Variants in FRA10AC1 observed in about 807,000 individuals in gnomAD.
The protein encoded by FRA10AC1 is FRA10A associated CGG repeat 1, also known as protein FRA10AC1.
FRA10AC1 carries 43 observed loss-of-function variants against 56.5 expected under a neutral mutation model. That is an observed-to-expected ratio of 0.76 (90% confidence interval 0.60 to 0.98). The LOEUF is 0.98. Among genes scored for constraint, FRA10AC1 ranks in the 50% least tolerant of loss-of-function variants. The probability of loss-of-function intolerance (pLI) is 0.00; values close to 1 mark genes in which losing one functional copy is unlikely to be tolerated. For missense variants in FRA10AC1, 346 were observed against 351.8 expected, an observed-to-expected ratio of 0.98 and a Z score of 0.13; for synonymous variants, 112 against 110.5, an observed-to-expected ratio of 1.01 and a Z score of -0.09.
At chr10:93,673,103 C>A in intron 12 of FRA10AC1, 2 of 273,740 alleles carry the variant, frequency 7.3e-6, no homozygotes, top group Non-Finnish European at 7.2e-6. Flanking sequence ...AGTGCCAATC[C>A]AGTCCATGCT....
chr10:93,691,476 C>T (rs1378635433), intron 7 of FRA10AC1, among the ~76,000 whole-genome samples: 1 of 152,060 alleles, frequency 6.6e-6, no homozygotes, highest in Admixed American at 6.6e-5. Flanking sequence ...CACGCCCAAC[C>T]AAAAATAAAA....
At chr10:93,694,403 T>C (rs2059192844) in intron 5 of FRA10AC1, among the ~76,000 whole-genome samples, 2 of 151,948 alleles carry the variant, frequency 1.3e-5, no homozygotes, top group South Asian at 2.1e-4. Context: ...GTGGATGGTA[T>C]CTCTACCTTA....
intron 12 of FRA10AC1, among the ~76,000 whole-genome samples, chr10:93,676,360 C>T (rs2058839650): frequency 6.6e-6 from 1 of 152,112 alleles, no homozygotes; most frequent in Non-Finnish European, 1.5e-5. Flanking sequence ...AACCTCATCC[C>T]TTTATCTTTC....
chr10:93,671,869 A>C, intron 12 of FRA10AC1: 1 of 348,076 alleles, frequency 2.9e-6, no homozygotes, highest in Middle Eastern at 8.1e-4. Context: ...AAACATTTTC[A>C]AATTGTTTGT....
chr10:93,672,985 A>G lies in FRA10AC1; in HGVS notation c.827-2137T>C, dbSNP rs75799799. 1,094 of 186,590 alleles carry G rather than the reference A, an allele frequency of 5.9e-3. 16 individuals carry two copies. The highest frequency in any genetic ancestry group is 0.024 in the African/African-American group (1,020 of 41,926). 11.6% of individuals were successfully genotyped at this position (186,590 alleles called of 1,614,324 possible). ...ATCTATTCAGTGATTATTGGTAAGTAGGGATCAGAATTTAAGTCACTGACT... is the reference window on the plus strand; with the variant it reads ...ATCTATTCAGTGATTATTGGTAAGTGGGGATCAGAATTTAAGTCACTGACT... On this transcript the variant is annotated intron_variant, in intron 12 of 13. Coordinates refer to ENST00000359204, the MANE Select transcript of FRA10AC1 (RefSeq NM_145246.5).
At chr10:93,677,919 G>T (rs756749280) in intron 11 of FRA10AC1, among the ~76,000 whole-genome samples, 4 of 152,168 alleles carry the variant, frequency 2.6e-5, no homozygotes, top group Non-Finnish European at 5.9e-5. Flanking sequence ...TTCAGAAAAT[G>T]TGGTTGAATT....
At chr10:93,684,335 T>C (rs2058987961) in intron 9 of FRA10AC1, among the ~76,000 whole-genome samples, 2 of 152,218 alleles carry the variant, frequency 1.3e-5, no homozygotes, top group South Asian at 4.1e-4. Flanking sequence ...AAAAATGTGT[T>C]GTCAATTTGT....
intron 10 of FRA10AC1, 32 bp downstream of exon 10, chr10:93,684,019 TACTAA>T (rs2058981316): frequency 1.5e-6 from 2 of 1,360,430 alleles, no homozygotes; most frequent in Non-Finnish European, 2.1e-6. Context: ...TATCCTGGAT[TACTAA>T]ACATTAAGAA....
chr10:93,693,296 G>T (rs1304698846), intron 5 of FRA10AC1, among the ~76,000 whole-genome samples: 2 of 149,530 alleles, frequency 1.3e-5, no homozygotes, highest in East Asian at 3.9e-4. Flanking sequence ...AAATGAGGTG[G>T]TACTAAATTT....
chr10:93,679,615 C>T (rs1161874408), intron 11 of FRA10AC1, among the ~76,000 whole-genome samples: 1 of 152,016 alleles, frequency 6.6e-6, no homozygotes, highest in Non-Finnish European at 1.5e-5. Flanking sequence ...ACGTGAGGTA[C>T]AGAGTGGTAA....
intron 12 of FRA10AC1, chr10:93,671,711 G>T (rs577870910): frequency 3.7e-4 from 74 of 197,624 alleles, no homozygotes; most frequent in Middle Eastern, 2.2e-3. Context: ...GTTACAAAAA[G>T]TATGCATAGT....
In FRA10AC1 at chr10:93,694,713, TAAAAAAAAAAAAAAAAAAA is replaced by T. The variant is rs10554752; in HGVS notation, c.296+129_296+147del. 1,934 of 240,756 alleles carry T rather than the reference TAAAAAAAAAAAAAAAAAAA, an allele frequency of 8.0e-3. 51 individuals carry two copies. The highest frequency in any genetic ancestry group is 0.058 in the African/African-American group (998 of 17,122). The allele number at this position is 240,756 out of a possible 1,614,324, so 14.9% of individuals were successfully genotyped here. A position where few individuals can be genotyped will look rare whatever the true frequency, so the allele number is the denominator to read the frequency against. The stretch of plus-strand genomic sequence containing the variant: ...TGGGCGACAGAGTGAGACTCCATCT[TAAAAAAAAAAAAAAAAAAA>T]AAAAAAAAAAAAGGCACACCGGAAT... On this transcript the variant is annotated intron_variant, in intron 5 of 13. Transcript: ENST00000359204.
intron 11 of FRA10AC1, among the ~76,000 whole-genome samples, chr10:93,680,857 T>C (rs1051997452): frequency 5.9e-5 from 9 of 152,126 alleles, no homozygotes; most frequent in African/African-American, 1.2e-4. Context: ...CATGAAGAAA[T>C]TGAGTCTTAG....
intron 8 of FRA10AC1, 132 bp downstream of exon 8, chr10:93,687,272 T>C (rs2059046021): frequency 3.0e-6 from 2 of 660,564 alleles, no homozygotes; most frequent in South Asian, 2.1e-5. Flanking sequence ...GTATCATGAA[T>C]ACACCTTCTC....
At chr10:93,690,638 A>T (rs912265367) in intron 7 of FRA10AC1, among the ~76,000 whole-genome samples, 3 of 152,176 alleles carry the variant, frequency 2.0e-5, no homozygotes, top group African/African-American at 7.2e-5. Context: ...AAAAACAACA[A>T]CTTAAGAACA....
Position 93,700,098 on chromosome 10 carries a change from A to G in FRA10AC1, c.9T>C (p.Gly3=). Residue 3 remains glycine, a synonymous_variant, in exon 2 of 14, where the codon GGT becomes GGC. Transcript: ENST00000359204. ...TAAAATCAGAATCATAGCCTCCATG[A>G]CCATGCATCTGTAAAGGAGTACAAA... MH[G]HGGYDSDFSD... is the part of the protein sequence containing the mutation. 6.3e-7 allele frequency: 1 copy of G among 1,589,506 alleles called. No individual in the cohort carries two copies. The highest frequency in any genetic ancestry group is 8.6e-7 in the Non-Finnish European group (1 of 1,159,544).
At chr10:93,700,159 G>A in intron 1 of FRA10AC1, 53 bp from the exon 2 acceptor site, 2 of 1,004,994 alleles carry the variant, frequency 2.0e-6, no homozygotes, top group Non-Finnish European at 3.0e-6. Flanking sequence ...CAATTGTCCA[G>A]GAAACAATAA....
intron 12 of FRA10AC1, chr10:93,675,648 T>C: frequency 8.1e-6 from 3 of 371,472 alleles, no homozygotes; most frequent in South Asian, 5.7e-5. Flanking sequence ...GGGGCTGCAG[T>C]CAGCTGAGAT....
At chr10:93,700,581 C>A (rs1320733430) in intron 1 of FRA10AC1, among the ~76,000 whole-genome samples, 1 of 152,212 alleles carries the variant, frequency 6.6e-6, no homozygotes, top group Admixed American at 6.5e-5. Flanking sequence ...AATCTATTTA[C>A]AAATCCAGTA....
Sources: allele counts gnomAD v4.1 joint callset (sites outside exome capture counted in the v4.1 genomes callset), GRCh38; gene constraint gnomAD v4.1.1; transcripts MANE v1.5; gene names NCBI Gene and HGNC (gene_info 2026-07-23, HGNC 2026-07-21).